MKLN1: variants seen among roughly 807,000 people sequenced by gnomAD.
The protein encoded by MKLN1 is muskelin 1, also known as muskelin.
MKLN1 carries 18 observed loss-of-function variants against 99.0 expected under a neutral mutation model. The ratio of observed to expected loss-of-function variants is 0.18; its 90% CI spans 0.13 to 0.27. The LOEUF is 0.27. Among genes scored for constraint, MKLN1 ranks in the 10% least tolerant of loss-of-function variants. MKLN1 has a pLI of 1.00. For synonymous variants in MKLN1, 288 were observed against 293.2 expected, an observed-to-expected ratio of 0.98 and a Z score of 0.18; for missense variants, 621 against 875.9, an observed-to-expected ratio of 0.71 and a Z score of 3.67.
At chr7:131,154,112 G>A (rs1795930672) in intron 2 of MKLN1, among the ~76,000 whole-genome samples, 1 of 152,140 alleles carries the variant, frequency 6.6e-6, no homozygotes, top group African/African-American at 2.4e-5. Flanking sequence ...ATATATGCAT[G>A]CATACACACA....
intron 1 of MKLN1, among the ~76,000 whole-genome samples, chr7:131,332,153 A>G (rs1474733625): frequency 6.6e-6 from 1 of 151,796 alleles, no homozygotes; most frequent in African/African-American, 2.4e-5. Flanking sequence ...AAATGAATAT[A>G]GGCTAGGCAC....
intron 1 of MKLN1, among the ~76,000 whole-genome samples, chr7:131,374,705 T>C (rs923927966): frequency 9.9e-5 from 15 of 152,122 alleles, no homozygotes; most frequent in African/African-American, 3.4e-4. Flanking sequence ...CTTATATCAG[T>C]TCCTTTTCCA....
At chr7:131,216,878 T>C (rs974195396) in intron 3 of MKLN1, among the ~76,000 whole-genome samples, 10 of 152,078 alleles carry the variant, frequency 6.6e-5, no homozygotes, top group African/African-American at 2.4e-4. Context: ...CTCACGAAAA[T>C]AACTCAAACC....
intron 3 of MKLN1, among the ~76,000 whole-genome samples, chr7:131,296,966 T>A (rs537168952): frequency 1.3e-5 from 2 of 152,242 alleles, no homozygotes; most frequent in South Asian, 4.2e-4. Flanking sequence ...CTGGAACTCA[T>A]GGACTCAAGT....
At chr7:131,279,140 G>A (rs886244663) in intron 3 of MKLN1, among the ~76,000 whole-genome samples, 4 of 152,194 alleles carry the variant, frequency 2.6e-5, no homozygotes, top group African/African-American at 9.7e-5. Flanking sequence ...CTATTCTCAT[G>A]AAGCTTTTAT....
At chr7:131,365,495 T>C (rs1009853602) in intron 1 of MKLN1, among the ~76,000 whole-genome samples, 4 of 152,084 alleles carry the variant, frequency 2.6e-5, no homozygotes, top group Non-Finnish European at 5.9e-5. Context: ...AATTGTTTTT[T>C]ATTTGTCTTG....
intron 2 of MKLN1, among the ~76,000 whole-genome samples, chr7:131,161,907 A>G (rs1796055302): frequency 6.8e-6 from 1 of 148,032 alleles, no homozygotes; most frequent in Admixed American, 6.8e-5. Flanking sequence ...TTTTTTCACT[A>G]TTTTAATAGT....
intron 3 of MKLN1, among the ~76,000 whole-genome samples, chr7:131,307,407 T>TCCAGG (rs1009566355): frequency 5.3e-5 from 8 of 152,142 alleles, no homozygotes; most frequent in African/African-American, 1.7e-4. Context: ...ACAACCATCC[T>TCCAGG]CCAGGCCCCA....
chr7:131,172,442 A>G (rs998150580), intron 2 of MKLN1, among the ~76,000 whole-genome samples: 1 of 151,990 alleles, frequency 6.6e-6, no homozygotes, highest in Admixed American at 6.6e-5. Flanking sequence ...CAGCCTCCCA[A>G]GTAGCTGGGA....
intron 1 of MKLN1, among the ~76,000 whole-genome samples, chr7:131,115,016 CAAG>C (rs1795253958): frequency 1.3e-5 from 2 of 151,572 alleles, no homozygotes; most frequent in South Asian, 4.2e-4. Flanking sequence ...TTGTGTTCGG[CAAG>C]AAGGAGTTTA....
chr7:131,135,361 G>A (rs931867701), intron 1 of MKLN1, among the ~76,000 whole-genome samples: 1 of 152,136 alleles, frequency 6.6e-6, no homozygotes, highest in African/African-American at 2.4e-5. Context: ...GACCTCAGGT[G>A]ATCTGCCCTC....
chr7:131,461,200 G>C (rs1488013518), intron 12 of MKLN1, among the ~76,000 whole-genome samples: 1 of 151,378 alleles, frequency 6.6e-6, no homozygotes, highest in Non-Finnish European at 1.5e-5. Flanking sequence ...AAGAAAAAAA[G>C]TCTGTATGTC....
At chr7:131,311,351 A>G (rs1298235992) in intron 3 of MKLN1, 1 of 152,170 alleles carries the variant, frequency 6.6e-6, no homozygotes, top group East Asian at 1.9e-4. Flanking sequence ...TTGACAAGGA[A>G]ATTTGGTTAT....
intron 16 of MKLN1, among the ~76,000 whole-genome samples, chr7:131,478,215 G>A (rs965530945): frequency 3.9e-5 from 6 of 152,058 alleles, no homozygotes; most frequent in African/African-American, 1.4e-4. Context: ...TTTTACAGTG[G>A]CTTACGTTTA....
At chr7:131,442,994 TG>T (rs1348824218) in intron 10 of MKLN1, among the ~76,000 whole-genome samples, 7 of 152,370 alleles carry the variant, frequency 4.6e-5, no homozygotes, top group Non-Finnish European at 1.0e-4. Context: ...TTTGTTTTAC[TG>T]TTTTGTAACA....
At chr7:131,327,207 C>T (rs1404372098), upstream of MKLN1, 1 of 152,266 alleles carries the variant, frequency 6.6e-6, no homozygotes, top group African/African-American at 2.4e-5. Flanking sequence ...AGCTTCCCAA[C>T]TCTGTAAGGA....
At chr7:131,384,061 C>G (rs1003030318) in intron 2 of MKLN1, among the ~76,000 whole-genome samples, 14 of 152,092 alleles carry the variant, frequency 9.2e-5, no homozygotes, top group African/African-American at 3.4e-4. Context: ...GTGACTGCCT[C>G]CTCTTCATTT....
intron 3 of MKLN1, chr7:131,243,074 A>G: frequency 2.0e-6 from 1 of 504,220 alleles, no homozygotes; most frequent in Non-Finnish European, 3.7e-6. Context: ...AAACTTTTCC[A>G]CAGCCATGGT....
At chr7:131,272,815 G>A (rs372164530) in intron 3 of MKLN1, among the ~76,000 whole-genome samples, 3 of 152,194 alleles carry the variant, frequency 2.0e-5, no homozygotes, top group South Asian at 4.1e-4. Context: ...AGAATAGTAC[G>A]GGAAAGACCA....
Sources: allele counts gnomAD v4.1 joint callset (sites outside exome capture counted in the v4.1 genomes callset), GRCh38; gene constraint gnomAD v4.1.1; transcripts MANE v1.5; gene names NCBI Gene and HGNC (gene_info 2026-07-23, HGNC 2026-07-21).